Variants in VPS13B observed in about 807,000 individuals in gnomAD.
The protein encoded by VPS13B is intermembrane lipid transfer protein VPS13B.
In VPS13B, 285 loss-of-function variants were observed where a neutral mutation model predicts 426.4. The observed-to-expected ratio is 0.67, with a 90% CI of 0.61 to 0.74. VPS13B has a LOEUF of 0.74. VPS13B is among the 30% of genes least tolerant of loss of function. VPS13B has a pLI of 0.00. For synonymous variants in VPS13B, 1,676 were observed against 1,676.4 expected (o/e 1.00, Z 0.01); for missense variants, 4,537 against 4,782.6 (o/e 0.95, Z 1.51).
intron 36 of VPS13B, among the ~76,000 whole-genome samples, chr8:99,706,423 A>G (rs1832501323): frequency 6.6e-6 from 1 of 152,164 alleles, no homozygotes; most frequent in African/African-American, 2.4e-5. Context: ...TGCAATAATG[A>G]GAAGCTTTTT....
intron 3 of VPS13B, among the ~76,000 whole-genome samples, chr8:99,094,868 A>G (rs111461236): frequency 0.019 from 2,901 of 152,258 alleles, 61 homozygotes; most frequent in Non-Finnish European, 0.028. Flanking sequence ...TAATGAATTC[A>G]TGGTGCGCAA....
rs1490457051 is a variant in VPS13B, at chr8:99,013,806, A to G, written c.18A>G (p.Val6=). 1.9e-6 allele frequency: 3 copies of G among 1,614,226 alleles called. No individual in the cohort carries two copies. Among genetic ancestry groups the G allele is most frequent in the East Asian group, 4.5e-5 (2 of 44,880 alleles). The change falls in exon 2 of 62, where the codon GTA becomes GTG. Residue 6 remains valine, a synonymous_variant. Transcript: ENST00000357162. ...CTTAAAAGATGCTGGAGTCATATGTAACTCCAATTTTAATGAGCTATGTGA... is the reference window on the plus strand; with the variant it reads ...CTTAAAAGATGCTGGAGTCATATGTGACTCCAATTTTAATGAGCTATGTGA... The part of the protein sequence containing the change: MLESY[V]TPILMSYVNR...
intron 21 of VPS13B, among the ~76,000 whole-genome samples, chr8:99,419,540 T>G (rs918192272): frequency 3.3e-5 from 5 of 152,214 alleles, no homozygotes; most frequent in Non-Finnish European, 7.3e-5. Flanking sequence ...GGTTTTTAAT[T>G]TTTATATTTT....
At chr8:99,272,111 A>G (rs1376762775) in intron 17 of VPS13B, among the ~76,000 whole-genome samples, 1 of 152,190 alleles carries the variant, frequency 6.6e-6, no homozygotes, top group Non-Finnish European at 1.5e-5. Context: ...AGGATTTTAG[A>G]ATAATGTTTA....
chr8:99,026,027 C>T (rs1842121949), intron 2 of VPS13B, among the ~76,000 whole-genome samples: 1 of 151,868 alleles, frequency 6.6e-6, no homozygotes, highest in African/African-American at 2.4e-5. Flanking sequence ...CTCATAATAT[C>T]TTTCCTTCTA....
intron 36 of VPS13B, among the ~76,000 whole-genome samples, chr8:99,700,751 G>C (rs1832236823): frequency 6.6e-6 from 1 of 152,224 alleles, no homozygotes; most frequent in South Asian, 2.1e-4. Context: ...CAGAAGGATT[G>C]TGAGGAGGGG....
intron 3 of VPS13B, among the ~76,000 whole-genome samples, chr8:99,040,566 A>G (rs980484680): frequency 1.3e-5 from 2 of 152,208 alleles, no homozygotes; most frequent in East Asian, 3.8e-4. Context: ...AGATTTTAAA[A>G]TAGTTTATTT....
Position 99,809,427 on chromosome 8 carries a change from T to C in VPS13B, c.7994T>C (p.Phe2665Ser). ...GGCAACTGGCGTTGGTCAGAGCCTT[T>C]CAGTGTGGACCATGCCGGGACTTTT... ...GWGNWRWSEPFSVDHAGTFIR... is the reference protein window; with the variant it reads ...GWGNWRWSEPSSVDHAGTFIR... Residue 2665 changes from phenylalanine to serine, a missense_variant, in exon 44 of 62, where the codon TTC becomes TCC. Coordinates refer to ENST00000357162, the MANE Select transcript of VPS13B (RefSeq NM_152564.5). 1 of 1,614,008 alleles carries C rather than the reference T, an allele frequency of 6.2e-7. No individual in the cohort carries two copies. Among genetic ancestry groups the C allele is most frequent in the Non-Finnish European group, 8.5e-7 (1 of 1,179,968 alleles).
intron 21 of VPS13B, among the ~76,000 whole-genome samples, chr8:99,412,180 A>AGTATGGAATGTTTTTCCATTT (rs766588381): frequency 1.3e-5 from 2 of 152,226 alleles, no homozygotes; most frequent in South Asian, 2.1e-4. Flanking sequence ...CCTATCCATG[A>AGTATGGAATGTTTTTCCATTT]GTATGGAATG....
intron 35 of VPS13B, among the ~76,000 whole-genome samples, chr8:99,672,866 T>C (rs1184223957): frequency 6.6e-6 from 1 of 152,146 alleles, no homozygotes; most frequent in Non-Finnish European, 1.5e-5. Context: ...ATTTTGAATT[T>C]TGTCAAATGC....
intron 36 of VPS13B, among the ~76,000 whole-genome samples, chr8:99,707,576 A>G (rs1313865969): frequency 6.6e-6 from 1 of 152,192 alleles, no homozygotes; most frequent in Non-Finnish European, 1.5e-5. Flanking sequence ...AACTAACTAT[A>G]CCAACTTGAT....
chr8:99,511,131 C>T lies in VPS13B; in HGVS notation c.4252C>T (p.His1418Tyr). 6.2e-7 allele frequency: 1 copy of T among 1,613,464 alleles called. No homozygotes were observed. The change falls in exon 29 of 62, where the codon CAT becomes TAT. Residue 1418 changes from histidine (H) to tyrosine (Y), a missense_variant. Around this residue, in one of 2 missense-constraint regions of VPS13B, gnomAD observed 4,311 missense variants for 4,474.3 expected, o/e 0.96. Transcript: ENST00000357162. The stretch of plus-strand genomic sequence containing the variant: ...AACTACAAAACTTCTAGATGGCACT[C>T]ATCAGCAGCATGGATTCCTCTCTCT... Reference protein sequence around the residue: ...VTTTKLLDGTHQQHGFLSLTY... With the variant: ...VTTTKLLDGTYQQHGFLSLTY...
intron 36 of VPS13B, among the ~76,000 whole-genome samples, chr8:99,716,031 A>G (rs1329556859): frequency 1.3e-5 from 2 of 152,080 alleles, no homozygotes; most frequent in Non-Finnish European, 2.9e-5. Context: ...GGAAGCTTTG[A>G]ATCAGGATAA....
chr8:99,626,689 T>C (rs1030030119), intron 33 of VPS13B, among the ~76,000 whole-genome samples: 1 of 152,198 alleles, frequency 6.6e-6, no homozygotes, highest in African/African-American at 2.4e-5. Context: ...TTGGTGGGAA[T>C]GTAAATGCAT....
At chr8:99,501,967 G>A in intron 26 of VPS13B, 109 bp downstream of exon 26, 17 of 1,241,728 alleles carry the variant, frequency 1.4e-5, no homozygotes, top group Non-Finnish European at 1.9e-5. Flanking sequence ...CTGTCTGTCT[G>A]TCTGTCTTTC....
chr8:99,544,086 G>A (rs1298941541), intron 30 of VPS13B, among the ~76,000 whole-genome samples: 86 of 148,844 alleles, frequency 5.8e-4, no homozygotes, highest in African/African-American at 2.0e-3. Flanking sequence ...ATGCTAGACT[G>A]GATTAAGAAA....
intron 2 of VPS13B, among the ~76,000 whole-genome samples, chr8:99,018,199 A>G (rs1178202942): frequency 2.0e-5 from 3 of 152,148 alleles, no homozygotes; most frequent in Non-Finnish European, 4.4e-5. Flanking sequence ...CAGCCTAGCC[A>G]ATATGGCAAA....
chr8:99,140,354 G>A (rs921320587), intron 12 of VPS13B, among the ~76,000 whole-genome samples: 1 of 130,476 alleles, frequency 7.7e-6, no homozygotes, highest in Non-Finnish European at 1.6e-5. Context: ...GGCAATAAGA[G>A]TGAAGCTCTG....
intron 22 of VPS13B, among the ~76,000 whole-genome samples, chr8:99,439,001 A>G (rs1024615739): frequency 1.3e-5 from 2 of 152,182 alleles, no homozygotes; most frequent in South Asian, 4.1e-4. Flanking sequence ...TTAAATATAT[A>G]TATCAATGCT....
Sources: gnomAD v4.1 joint callset for allele counts (sites outside exome capture counted in the v4.1 genomes callset) on GRCh38, gnomAD v4.1.1 for gene constraint, gnomAD v4.1.1 regional missense constraint, MANE v1.5 for transcripts, NCBI Gene and HGNC (gene_info 2026-07-23, HGNC 2026-07-21) for gene names.